Variants in CDK8 observed in about 807,000 individuals in gnomAD.
CDK8 encodes the protein cyclin dependent kinase 8.
A neutral mutation model predicts 71.5 loss-of-function variants in CDK8; 29 were observed. That is an observed-to-expected ratio of 0.41 (90% CI 0.30 to 0.55). The LOEUF (loss-of-function observed/expected upper bound fraction) is 0.55, where lower values mean the gene tolerates loss of function less well. Among genes scored for constraint, CDK8 ranks in the 20% least tolerant of loss-of-function variants. CDK8 has a pLI of 0.37. For missense variants in CDK8, 288 were observed against 572.6 expected, an observed-to-expected ratio of 0.50 and a Z score of 5.07; for synonymous variants, 161 against 192.1, an observed-to-expected ratio of 0.84 and a Z score of 1.34.
chr13:26,281,438 A>G (rs1002664803), intron 1 of CDK8, among the ~76,000 whole-genome samples: 5 of 152,370 alleles, frequency 3.3e-5, no homozygotes, highest in African/African-American at 9.6e-5. Flanking sequence ...CGGGGAGTGC[A>G]TCACATCAAG....
At chr13:26,278,196 G>A (rs1872623656) in intron 1 of CDK8, among the ~76,000 whole-genome samples, 2 of 152,190 alleles carry the variant, frequency 1.3e-5, no homozygotes, top group African/African-American at 4.8e-5. Flanking sequence ...ATGATAAAGT[G>A]TCAGGAATCA....
At position 26,276,231 on chromosome 13, in the gene CDK8, A is replaced by G. The variant is rs182190837; in HGVS notation, c.128+21462A>G. ...GAGATATTTTTGTCTTTTGATTTTTAAATGGAAATATTTCTAGTGTTTCTG... is the reference window on the plus strand; with the variant it reads ...GAGATATTTTTGTCTTTTGATTTTTGAATGGAAATATTTCTAGTGTTTCTG... On this transcript the variant is annotated intron_variant, in intron 1 of 12. Transcript: ENST00000381527. Among the ~76,000 whole-genome samples, 460 of 152,296 alleles carry G rather than the reference A, an allele frequency of 3.0e-3. 1 individual carries two copies. Among genetic ancestry groups the G allele is most frequent in the Non-Finnish European group, 4.0e-3 (272 of 68,012 alleles).
Position 26,404,239 on chromosome 13 carries a change from A to G in CDK8, c.*158A>G, listed in dbSNP as rs935055304. 13 of 769,282 alleles carry G rather than the reference A, an allele frequency of 1.7e-5. No individual in the cohort carries two copies. Among genetic ancestry groups the G allele is most frequent in the Non-Finnish European group, 6.0e-6 (3 of 499,920 alleles). 47.7% of individuals were successfully genotyped at this position (769,282 alleles called of 1,614,324 possible). A position where few individuals can be genotyped will look rare whatever the true frequency, so the allele number is the denominator to read the frequency against. On this transcript the variant is annotated 3_prime_UTR_variant, in exon 13 of 13. Coordinates refer to ENST00000381527, the MANE Select transcript of CDK8 (RefSeq NM_001260.3). ...TCCACCACTTTTCACAGATTGGGGT[A>G]GTGGCTTCCAAGTTGTACCTATTTT...
intron 1 of CDK8, among the ~76,000 whole-genome samples, chr13:26,263,841 G>A (rs1219454790): frequency 2.0e-5 from 3 of 151,810 alleles, no homozygotes; most frequent in African/African-American, 7.3e-5. Flanking sequence ...CCGTCTCCTG[G>A]GTTCACGCCA....
At chr13:26,306,171 T>A (rs1230804287) in intron 1 of CDK8, among the ~76,000 whole-genome samples, 1 of 152,312 alleles carries the variant, frequency 6.6e-6, no homozygotes, top group African/African-American at 2.4e-5. Flanking sequence ...TTCTTGTTCA[T>A]ATTACTGTTA....
chr13:26,261,617 C>A (rs1334464052), intron 1 of CDK8, among the ~76,000 whole-genome samples: 1 of 152,172 alleles, frequency 6.6e-6, no homozygotes, highest in Non-Finnish European at 1.5e-5. Context: ...AAGGTTCATC[C>A]ATGTGGTACA....
intron 4 of CDK8, among the ~76,000 whole-genome samples, chr13:26,357,574 A>C (rs1340470688): frequency 6.6e-6 from 1 of 152,154 alleles, no homozygotes; most frequent in East Asian, 1.9e-4. Flanking sequence ...CTACCAGTCT[A>C]CTATAGTCCT....
chr13:26,338,555 T>C (rs920343062), intron 2 of CDK8, among the ~76,000 whole-genome samples: 3 of 152,100 alleles, frequency 2.0e-5, no homozygotes, highest in Non-Finnish European at 2.9e-5. Flanking sequence ...CAAGGAAAGT[T>C]CCAGGTTTGG....
chr13:26,381,245 T>A (rs565434361), intron 4 of CDK8, among the ~76,000 whole-genome samples: 1 of 152,324 alleles, frequency 6.6e-6, no homozygotes, highest in Admixed American at 6.5e-5. Flanking sequence ...GCTGCCTAAT[T>A]CCATTTGGAA....
chr13:26,371,961 TAAAG>T (rs935421094), intron 4 of CDK8, among the ~76,000 whole-genome samples: 8 of 152,096 alleles, frequency 5.3e-5, no homozygotes, highest in Non-Finnish European at 8.8e-5. Flanking sequence ...ATTTTAAAAA[TAAAG>T]AATGAGCAAA....
intron 4 of CDK8, among the ~76,000 whole-genome samples, chr13:26,381,649 A>G (rs1354412332): frequency 1.3e-5 from 2 of 152,082 alleles, no homozygotes; most frequent in African/African-American, 4.8e-5. Context: ...TGCTGATTAT[A>G]TTTAGGGCAA....
chr13:26,329,470 T>G (rs1335068094), intron 1 of CDK8, among the ~76,000 whole-genome samples: 4 of 58,212 alleles, frequency 6.9e-5, no homozygotes, highest in Non-Finnish European at 1.0e-4. Context: ...CCTATTTCTG[T>G]TTTTTTTTTT....
chr13:26,298,803 G>C (rs1033732792), intron 1 of CDK8, among the ~76,000 whole-genome samples: 2 of 152,104 alleles, frequency 1.3e-5, no homozygotes, highest in African/African-American at 4.8e-5. Context: ...CAATTTTAGT[G>C]ACGCTTTTCC....
At chr13:26,287,700 G>C (rs996273381) in intron 1 of CDK8, among the ~76,000 whole-genome samples, 2 of 152,102 alleles carry the variant, frequency 1.3e-5, no homozygotes, top group Admixed American at 1.3e-4. Flanking sequence ...CACACCGCCT[G>C]TTCCCTCAAA....
chr13:26,392,792 G>A (rs17083993), intron 6 of CDK8, among the ~76,000 whole-genome samples: 1,761 of 152,112 alleles, frequency 0.012, 48 homozygotes, highest in East Asian at 0.068. Flanking sequence ...TTTTGAGGTC[G>A]GACATTGTCT....
chr13:26,387,646 C>A lies in CDK8; in HGVS notation c.646+2304C>A, dbSNP rs533814118. ...TAGCTGGTATTCCCAAGAACAAAAT[C>A]TTCGCAGCATTGTAGGGGAAAAGTC... On this transcript the variant is annotated intron_variant, in intron 6 of 12. Coordinates refer to ENST00000381527, the MANE Select transcript of CDK8 (RefSeq NM_001260.3). 2.4e-4 allele frequency among the ~76,000 whole-genome samples: 37 copies of A among 152,254 alleles called. 1 individual carries two copies. The South Asian group carries it at 5.8e-3, about 24-fold the overall frequency.
chr13:26,402,707 G>T (rs1004008761), intron 12 of CDK8, among the ~76,000 whole-genome samples: 1 of 152,126 alleles, frequency 6.6e-6, no homozygotes, highest in African/African-American at 2.4e-5. Flanking sequence ...CTTCCTTTCC[G>T]GATGGGAAGA....
chr13:26,257,746 ATGTT>A (rs1424920991), intron 1 of CDK8, among the ~76,000 whole-genome samples: 1 of 152,204 alleles, frequency 6.6e-6, no homozygotes, highest in Admixed American at 6.5e-5. Flanking sequence ...TTTGCACTGA[ATGTT>A]TGGATAATTT....
chr13:26,400,979 A>G (rs753465788), intron 10 of CDK8, among the ~76,000 whole-genome samples: 18 of 152,290 alleles, frequency 1.2e-4, no homozygotes, highest in Non-Finnish European at 1.3e-4. Context: ...GCTAGAATCT[A>G]TATTTGGTCT....
Sources: allele counts gnomAD v4.1 joint callset (sites outside exome capture counted in the v4.1 genomes callset), GRCh38; gene constraint gnomAD v4.1.1; transcripts MANE v1.5; gene names NCBI Gene and HGNC (gene_info 2026-07-23, HGNC 2026-07-21).